Variants in PRH1 observed in about 807,000 individuals in gnomAD.
PRH1 encodes the protein salivary acidic proline-rich phosphoprotein 1/2.
A neutral mutation model predicts 7.9 loss-of-function variants in PRH1; 7 were observed. The observed-to-expected ratio is 0.89, with a 90% CI of 0.50 to 1.67. PRH1 has a LOEUF of 1.67. Ranked by LOEUF, PRH1 falls within the 40% of genes most tolerant of loss-of-function variation. PRH1 has a pLI of 0.00. For synonymous variants in PRH1, 45 were observed against 80.8 expected (o/e 0.56, Z 2.38); for missense variants, 109 against 223.6 (o/e 0.49, Z 3.27).
Position 11,035,009 on chromosome 12 carries a change from A to G in PRH1, c.-126+12011T>C, listed in dbSNP as rs186838859. Reference sequence around the variant, plus strand: ...TGAAATACACTGAAGACATGAATCCATTGAACTCTAGCTTTATTTTTGTCT... The same window carrying G: ...TGAAATACACTGAAGACATGAATCCGTTGAACTCTAGCTTTATTTTTGTCT... On this transcript the variant is annotated intron_variant, in intron 1 of 3. Transcript: ENST00000539853. The G allele has an allele frequency of 1.7e-3, 255 of 152,172 alleles. 3 individuals carry two copies. The highest frequency in any genetic ancestry group is 5.8e-3 in the African/African-American group (240 of 41,534). 9.4% of individuals were successfully genotyped at this position (152,172 alleles called of 1,614,324 possible). A position where few individuals can be genotyped will look rare whatever the true frequency, so the allele number is the denominator to read the frequency against.
chr12:11,060,252 C>T (rs748363654), intron 1 of PRH1, among the ~76,000 whole-genome samples: 1 of 151,846 alleles, frequency 6.6e-6, no homozygotes, highest in Non-Finnish European at 1.5e-5. Flanking sequence ...TCATCATTGA[C>T]AACAAAATTA....
At chr12:10,948,053 CT>C (rs1187924683) in intron 2 of PRH1, among the ~76,000 whole-genome samples, 3 of 152,110 alleles carry the variant, frequency 2.0e-5, no homozygotes, top group Non-Finnish European at 4.4e-5. Context: ...CTCTGGCTGC[CT>C]TTAACATTCT....
chr12:11,051,742 A>G (rs759099394), upstream of PRH1, among the ~76,000 whole-genome samples: 1 of 152,142 alleles, frequency 6.6e-6, no homozygotes, highest in African/African-American at 2.4e-5. Flanking sequence ...ATACAATCCT[A>G]TATGTTCGTA....
In PRH1 at chr12:10,990,156, T is replaced by C. The variant is rs995765705; in HGVS notation, c.-125-16435A>G. Among the ~76,000 whole-genome samples, 18 of 152,262 alleles carry C rather than the reference T, an allele frequency of 1.2e-4. 1 individual carries two copies. The South Asian group carries it at 1.2e-3, about 11-fold the overall frequency. On this transcript the variant is annotated intron_variant, in intron 1 of 3. Transcript: ENST00000539853. ...GAGCAGCGAAATAGAATAGAGAATG[T>C]GGAAACAAATCCACACCTATAGAGA...
At chr12:11,114,020 T>C (rs1945662894) in intron 1 of PRH1, among the ~76,000 whole-genome samples, 1 of 151,524 alleles carries the variant, frequency 6.6e-6, no homozygotes, top group African/African-American at 2.4e-5. Context: ...TGCTGGAGAG[T>C]AGGTGGAGAA....
intron 1 of PRH1, among the ~76,000 whole-genome samples, chr12:11,055,402 C>T (rs1012461944): frequency 3.3e-5 from 5 of 152,260 alleles, no homozygotes; most frequent in Non-Finnish European, 7.3e-5. Context: ...GCAATATTCC[C>T]TTTAAGGTCC....
At chr12:11,068,294 T>C (rs986239192) in intron 1 of PRH1, among the ~76,000 whole-genome samples, 2 of 152,204 alleles carry the variant, frequency 1.3e-5, no homozygotes, top group African/African-American at 2.4e-5. Flanking sequence ...AATTACAATA[T>C]ATTAAAAATA....
At chr12:11,076,440 A>C (rs1483942398) in intron 1 of PRH1, among the ~76,000 whole-genome samples, 1 of 124,474 alleles carries the variant, frequency 8.0e-6, no homozygotes, top group Non-Finnish European at 1.8e-5. Context: ...TTTAAGATAG[A>C]GAATATTTGA....
At chr12:11,150,123 C>T (rs1428250697) in intron 1 of PRH1, among the ~76,000 whole-genome samples, 5 of 151,494 alleles carry the variant, frequency 3.3e-5, no homozygotes, top group African/African-American at 1.2e-4. Flanking sequence ...CAGTGAGATA[C>T]CATCTCACAC....
rs1353410142 is a variant in PRH1, at chr12:11,168,202, AAAGAAAGAAAG to A, written n.39+3209_39+3219del. Among the ~76,000 whole-genome samples the A allele has an allele frequency of 2.3e-3, 100 of 42,564 alleles. 27 individuals carry two copies. The East Asian group carries it at 0.62, about 263-fold the overall frequency. 27.9% of individuals were successfully genotyped at this position (42,564 alleles called of 152,430 possible). On this transcript the variant is annotated intron_variant and non_coding_transcript_variant, in intron 1 of 1. Transcript: ENST00000541175. ...CATATTAAAGCCATGGCAAAAAACG[AAAGAAAGAAAG>A]AAGAAAGAAAGAAAGAAAGAAAGAA...
At chr12:11,111,220 C>T (rs180833014) in intron 1 of PRH1, among the ~76,000 whole-genome samples, 79 of 152,256 alleles carry the variant, frequency 5.2e-4, no homozygotes, top group African/African-American at 1.8e-3. Context: ...TTTAACACCC[C>T]ACAGTCAATA....
rs1001547964 is a variant in PRH1 at position 10,981,342 on chromosome 12, C to T, written c.-125-7621G>A. ...AAAAGACACAGTGGTCCATGGGATACGGTGGCAAATTTTTACTTCTGGATT... is the reference window on the plus strand; with the variant it reads ...AAAAGACACAGTGGTCCATGGGATATGGTGGCAAATTTTTACTTCTGGATT... On this transcript the variant is annotated intron_variant, in intron 1 of 3. Coordinates refer to the PRH1 transcript ENST00000539853. 4.8e-5 allele frequency among the ~76,000 whole-genome samples: 7 copies of T among 147,112 alleles called. 1 individual carries two copies. The highest frequency in any genetic ancestry group is 4.1e-4 in the Admixed American group (6 of 14,668).
chr12:10,986,734 A>C lies in PRH1; in HGVS notation c.-125-13013T>G, dbSNP rs754507328. ...AGAGCAGTGAGAATTTGGTCAGCTG[A>C]GGAGATCTTTTTTCTCTTCACCCAG... On this transcript the variant is annotated intron_variant, in intron 1 of 3. Coordinates refer to the PRH1 transcript ENST00000539853. The C allele has an allele frequency of 5.0e-6, 8 of 1,612,928 alleles. No homozygotes were observed. In the Admixed American group the frequency reaches 1.3e-4, roughly 27 times the overall value.
chr12:10,993,125 C>A (rs1205837872), intron 1 of PRH1, among the ~76,000 whole-genome samples: 1 of 152,198 alleles, frequency 6.6e-6, no homozygotes, highest in Admixed American at 6.5e-5. Context: ...TTAAATCACA[C>A]TTGCAGATGC....
At chr12:10,976,581 G>A (rs979519481) in intron 1 of PRH1, among the ~76,000 whole-genome samples, 1 of 150,562 alleles carries the variant, frequency 6.6e-6, no homozygotes, top group Non-Finnish European at 1.5e-5. Context: ...CAGAGCTGAA[G>A]TGAAGGAAAT....
rs1275779476 is a variant in PRH1 at position 11,141,433 on chromosome 12, GTT to G, written n.40-20255_40-20254del. Among the ~76,000 whole-genome samples, 3 of 152,182 alleles carry G rather than the reference GTT, an allele frequency of 2.0e-5. No individual in the cohort carries two copies. In the East Asian group the frequency reaches 5.8e-4, roughly 29 times the overall value. On this transcript the variant is annotated intron_variant and non_coding_transcript_variant, in intron 1 of 1. Coordinates refer to the PRH1 transcript ENST00000541175. ...ACTTAATGGTTTAAGATGAGTAGAT[GTT>G]AAAATCAGTCTCCAATCTTGGATTT...
At chr12:11,035,855 C>T (rs1375585098) in intron 1 of PRH1, among the ~76,000 whole-genome samples, 1 of 152,140 alleles carries the variant, frequency 6.6e-6, no homozygotes, top group Non-Finnish European at 1.5e-5. Flanking sequence ...CACAGCTCCA[C>T]CACTCTATTC....
chr12:11,157,293 T>C (rs1241392543), intron 1 of PRH1, among the ~76,000 whole-genome samples: 1 of 152,200 alleles, frequency 6.6e-6, no homozygotes, highest in Admixed American at 6.5e-5. Context: ...CAAAATGCCA[T>C]TACCATAAAT....
At position 10,997,771 on chromosome 12, in the gene PRH1, C is replaced by T. The variant is rs1235804571; in HGVS notation, c.-125-24050G>A. ...CTGAGGAGATCTTTTGTCTCTTGAC[C>T]CAGGCAATGAAATTTATCAGTGCTA... On this transcript the variant is annotated intron_variant, in intron 1 of 3. Coordinates refer to the PRH1 transcript ENST00000539853. 3 of 1,613,634 alleles carry T rather than the reference C, an allele frequency of 1.9e-6. No individual in the cohort carries two copies. In the Admixed American group the frequency reaches 5.0e-5, roughly 27 times the overall value.
Sources: allele counts gnomAD v4.1 joint callset (sites outside exome capture counted in the v4.1 genomes callset), GRCh38; gene constraint gnomAD v4.1.1; transcripts MANE v1.5; gene names NCBI Gene and HGNC (gene_info 2026-07-23, HGNC 2026-07-21).